Variants in DUSP16 observed in about 807,000 individuals in gnomAD.
The protein encoded by DUSP16 is dual specificity phosphatase 16.
Under a neutral mutation model 58.3 loss-of-function variants are expected in DUSP16, and 21 were observed. That is an observed-to-expected ratio of 0.36 (90% CI 0.26 to 0.52). The LOEUF (loss-of-function observed/expected upper bound fraction) is 0.52. DUSP16 is among the 20% of genes least tolerant of loss of function. The probability of loss-of-function intolerance (pLI) is 0.94; values close to 1 mark genes in which losing one functional copy is unlikely to be tolerated. For missense variants in DUSP16, 726 were observed against 819.0 expected, an observed-to-expected ratio of 0.89 and a Z score of 1.39; for synonymous variants, 320 against 323.8, an observed-to-expected ratio of 0.99 and a Z score of 0.12.
At chr12:12,541,920 A>C (rs1944565537) in intron 1 of DUSP16, among the ~76,000 whole-genome samples, 1 of 124,570 alleles carries the variant, frequency 8.0e-6, no homozygotes. Flanking sequence ...ACTGATGAAT[A>C]GATAAACAAA....
chr12:12,534,804 G>A (rs1292796860), intron 1 of DUSP16, among the ~76,000 whole-genome samples: 1 of 152,024 alleles, frequency 6.6e-6, no homozygotes, highest in African/African-American at 2.4e-5. Context: ...TCTTTGATTT[G>A]TTACTCTAAA....
At chr12:12,491,044 C>A (rs1033194696) in intron 4 of DUSP16, among the ~76,000 whole-genome samples, 2 of 152,204 alleles carry the variant, frequency 1.3e-5, no homozygotes, top group African/African-American at 4.8e-5. Context: ...CCCACTCATG[C>A]AGCAGGCATT....
intron 3 of DUSP16, among the ~76,000 whole-genome samples, chr12:12,505,562 C>T (rs995276476): frequency 2.0e-5 from 3 of 152,180 alleles, no homozygotes; most frequent in East Asian, 1.9e-4. Context: ...TGTCAGGTCA[C>T]CCCCCACAGA....
intron 3 of DUSP16, among the ~76,000 whole-genome samples, chr12:12,510,116 G>T (rs539049943): frequency 7.2e-5 from 11 of 152,198 alleles, no homozygotes; most frequent in African/African-American, 2.4e-4. Context: ...CCACACCGGT[G>T]TGGAGAGTCC....
chr12:12,483,392 CTT>C lies in DUSP16; in HGVS notation c.692-3048_692-3047del, dbSNP rs143712384. On this transcript the variant is annotated intron_variant, in intron 5 of 6. Transcript: ENST00000298573. ...ATTTTTATTTTATCTTTTTGGTTTA[CTT>C]TTTTTCTTTTTTTTTCATTTTACAT... Among the ~76,000 whole-genome samples the C allele has an allele frequency of 5.7e-3, 873 of 151,876 alleles. 10 individuals are homozygous for C. Among genetic ancestry groups the C allele is most frequent in the African/African-American group, 0.02 (834 of 41,408 alleles).
At chr12:12,554,135 T>C (rs1244085768) in intron 1 of DUSP16, among the ~76,000 whole-genome samples, 1 of 139,452 alleles carries the variant, frequency 7.2e-6, no homozygotes, top group Admixed American at 7.9e-5. Context: ...AGGCAGAGAT[T>C]GCAGTGAGCT....
At chr12:12,539,715 G>T (rs908070487) in intron 1 of DUSP16, among the ~76,000 whole-genome samples, 1 of 147,942 alleles carries the variant, frequency 6.8e-6, no homozygotes. Flanking sequence ...AATAAAGGAC[G>T]TCACCACCCT....
chr12:12,557,482 T>A (rs1345505246), intron 1 of DUSP16, among the ~76,000 whole-genome samples: 1 of 152,026 alleles, frequency 6.6e-6, no homozygotes, highest in Non-Finnish European at 1.5e-5. Context: ...AAATCTAAGT[T>A]TCCATGCTTT....
intron 1 of DUSP16, among the ~76,000 whole-genome samples, chr12:12,553,141 ATGT>A (rs1944757743): frequency 6.6e-6 from 1 of 152,116 alleles, no homozygotes. Flanking sequence ...TTAATTTCTA[ATGT>A]TAAGTATGGA....
At chr12:12,515,288 G>T in intron 3 of DUSP16, among the ~76,000 whole-genome samples, 1 of 150,046 alleles carries the variant, frequency 6.7e-6, no homozygotes, top group African/African-American at 2.4e-5. Context: ...TCATTATTAT[G>T]ATACATTTAT....
intron 1 of DUSP16, among the ~76,000 whole-genome samples, chr12:12,557,628 G>A (rs989777737): frequency 1.3e-5 from 2 of 152,114 alleles, no homozygotes; most frequent in African/African-American, 4.8e-5. Context: ...CATGAAGACT[G>A]TTCATTAGAC....
intron 4 of DUSP16, among the ~76,000 whole-genome samples, chr12:12,489,418 G>A (rs1943731313): frequency 6.6e-6 from 1 of 152,146 alleles, no homozygotes. Flanking sequence ...AACTGATTCA[G>A]GATCACTCAT....
chr12:12,515,247 C>T (rs1944130912), intron 3 of DUSP16, among the ~76,000 whole-genome samples: 1 of 151,676 alleles, frequency 6.6e-6, no homozygotes, highest in Admixed American at 6.6e-5. Context: ...CAGCATTTTT[C>T]CCTTCCAAAA....
chr12:12,476,762 C>T lies in DUSP16; in HGVS notation c.*71G>A. The T allele has an allele frequency of 7.1e-7, 1 of 1,413,640 alleles. No homozygotes were observed. The highest frequency in any genetic ancestry group is 2.3e-5 in the East Asian group (1 of 43,828). The allele number at this position is 1,413,640 out of a possible 1,614,324, so 87.6% of individuals were successfully genotyped here. ...TATATGTATGTACATATATATATTT[C>T]AGATTTACAGGGAATTTTTTTGTGA... On this transcript the variant is annotated 3_prime_UTR_variant, in exon 7 of 7. Coordinates refer to ENST00000298573, the MANE Select transcript of DUSP16 (RefSeq NM_030640.3).
chr12:12,505,463 A>C (rs1943979617), intron 3 of DUSP16, among the ~76,000 whole-genome samples: 1 of 152,208 alleles, frequency 6.6e-6, no homozygotes, highest in African/African-American at 2.4e-5. Flanking sequence ...GACACCAATA[A>C]CAAAGTTTAC....
intron 4 of DUSP16, among the ~76,000 whole-genome samples, chr12:12,487,913 T>C (rs1391532701): frequency 6.6e-6 from 1 of 152,138 alleles, no homozygotes; most frequent in Non-Finnish European, 1.5e-5. Context: ...CTCATCCAAA[T>C]GGCTGCCAAA....
intron 1 of DUSP16, among the ~76,000 whole-genome samples, chr12:12,526,537 C>T (rs922976103): frequency 7.2e-5 from 11 of 152,168 alleles, no homozygotes; most frequent in Non-Finnish European, 1.3e-4. Context: ...AAGAGAACAA[C>T]ATAAAGTCTG....
chr12:12,495,773 G>A (rs1943819554), intron 4 of DUSP16, among the ~76,000 whole-genome samples: 4 of 152,136 alleles, frequency 2.6e-5, no homozygotes, highest in Admixed American at 2.6e-4. Context: ...GACTAATTTT[G>A]CATTTGCCCA....
intron 1 of DUSP16, among the ~76,000 whole-genome samples, chr12:12,540,943 TCTTTTC>T (rs1263626456): frequency 6.2e-4 from 62 of 100,158 alleles, no homozygotes; most frequent in African/African-American, 2.2e-3. Flanking sequence ...TCTTTTCTTT[TCTTTTC>T]TTTTTTTTTT....
Sources: allele counts gnomAD v4.1 joint callset (sites outside exome capture counted in the v4.1 genomes callset), GRCh38; gene constraint gnomAD v4.1.1; transcripts MANE v1.5; gene names NCBI Gene and HGNC (gene_info 2026-07-23, HGNC 2026-07-21).